The following C10orf90 variants were observed in gnomAD, a reference collection of about 807,000 sequenced individuals.
C10orf90 encodes the protein chromosome 10 open reading frame 90.
In C10orf90, 56 loss-of-function variants were observed where a neutral mutation model predicts 62.5. That is an observed-to-expected ratio of 0.90 (90% CI 0.72 to 1.12). The LOEUF is 1.12. Ranked by LOEUF, C10orf90 falls within the 50% of genes most tolerant of loss-of-function variation. The pLI is 0.00. For synonymous variants in C10orf90, 386 were observed against 340.4 expected (o/e 1.13, Z -1.47); for missense variants, 970 against 880.4 (o/e 1.10, Z -1.29).
At chr10:126,511,895 G>C (rs1049444013) in intron 3 of C10orf90, 1 of 151,930 alleles carries the variant, frequency 6.6e-6, no homozygotes, top group African/African-American at 2.4e-5. Context: ...ACTCCGTTCT[G>C]CATTTACTCC....
chr10:126,508,637 T>G (rs1361227438), intron 3 of C10orf90, among the ~76,000 whole-genome samples: 1 of 152,140 alleles, frequency 6.6e-6, no homozygotes. Context: ...ATGGATATGG[T>G]GGGAAAGATG....
chr10:126,466,711 C>T (rs1860309450), intron 4 of C10orf90, among the ~76,000 whole-genome samples: 1 of 152,164 alleles, frequency 6.6e-6, no homozygotes, highest in South Asian at 2.1e-4. Flanking sequence ...ACCCAGCTTT[C>T]CATGTTCTTA....
intron 7 of C10orf90, among the ~76,000 whole-genome samples, chr10:126,454,431 G>T (rs957800509): frequency 6.6e-6 from 1 of 151,436 alleles, no homozygotes. Context: ...ACCTGCAGAG[G>T]TTGTAACTTT....
Position 126,551,351 on chromosome 10 carries a change from G to A in C10orf90, c.314-37412C>T, listed in dbSNP as rs559382209. Among the ~76,000 whole-genome samples the A allele has an allele frequency of 2.6e-5, 4 of 152,344 alleles. No homozygotes were observed. The South Asian group carries it at 8.3e-4, about 32-fold the overall frequency. On this transcript the variant is annotated intron_variant, in intron 2 of 9. Coordinates refer to ENST00000488181, the MANE Select transcript of C10orf90 (RefSeq NM_001350921.2). The stretch of plus-strand genomic sequence containing the variant: ...CACTCTGCCTGGTGCAATAATAGAT[G>A]GAAATATGAGCTCCTCCCCCACTAG...
intron 1 of C10orf90, among the ~76,000 whole-genome samples, chr10:126,655,626 C>T (rs1490828121): frequency 6.6e-6 from 1 of 152,088 alleles, no homozygotes; most frequent in African/African-American, 2.4e-5. Context: ...TGGAAATGTC[C>T]TTCCCCAGGA....
chr10:126,509,269 C>T (rs1227688439), intron 3 of C10orf90, among the ~76,000 whole-genome samples: 15 of 152,276 alleles, frequency 9.9e-5, no homozygotes, highest in South Asian at 2.1e-4. Context: ...CAGATACTGA[C>T]GAATGCCCAG....
intron 4 of C10orf90, among the ~76,000 whole-genome samples, chr10:126,471,512 C>A (rs1334653175): frequency 6.6e-6 from 1 of 152,092 alleles, no homozygotes; most frequent in Non-Finnish European, 1.5e-5. Context: ...GGAGCTTGGG[C>A]AGATGGTCAG....
At chr10:126,509,602 A>G (rs1417891224) in intron 3 of C10orf90, among the ~76,000 whole-genome samples, 1 of 152,214 alleles carries the variant, frequency 6.6e-6, no homozygotes, top group African/African-American at 2.4e-5. Context: ...AAACTCTTTA[A>G]CTGTGCATTC....
At chr10:126,574,190 CAT>C (rs1844565663) in intron 2 of C10orf90, among the ~76,000 whole-genome samples, 1 of 152,094 alleles carries the variant, frequency 6.6e-6, no homozygotes. Flanking sequence ...GAATGTTGTG[CAT>C]AGTCACAAAA....
chr10:126,554,518 G>C (rs1017938915), intron 2 of C10orf90, among the ~76,000 whole-genome samples: 56 of 152,312 alleles, frequency 3.7e-4, no homozygotes, highest in African/African-American at 1.2e-3. Flanking sequence ...CATTTGTGTA[G>C]TTTGCTGCAC....
At chr10:126,599,182 C>CTTTTTT (rs755259124) in intron 2 of C10orf90, among the ~76,000 whole-genome samples, 1 of 128,248 alleles carries the variant, frequency 7.8e-6, no homozygotes, top group African/African-American at 3.1e-5. Context: ...GGTTCCACTC[C>CTTTTTT]TTTTTTTTTT....
intron 2 of C10orf90, among the ~76,000 whole-genome samples, chr10:126,614,023 T>C (rs1845492138): frequency 6.6e-6 from 1 of 152,184 alleles, no homozygotes; most frequent in South Asian, 2.1e-4. Flanking sequence ...ACATTCCTCA[T>C]GGATAATATG....
chr10:126,485,153 A>T lies in C10orf90; in HGVS notation c.1534+18804T>A, dbSNP rs192796747. ...TCATAAATTGGATTAGTGACTTTAT[A>T]AGCAGCAGCCAGTGAGCTAGCTAGC... On this transcript the variant is annotated intron_variant, in intron 4 of 9. Transcript: ENST00000488181. 3.2e-3 allele frequency among the ~76,000 whole-genome samples: 481 copies of T among 152,290 alleles called. 3 individuals are homozygous for T. Among genetic ancestry groups the T allele is most frequent in the African/African-American group, 0.011 (462 of 41,558 alleles).
intron 3 of C10orf90, among the ~76,000 whole-genome samples, chr10:126,510,932 A>G (rs1863069627): frequency 1.3e-5 from 2 of 152,234 alleles, no homozygotes; most frequent in South Asian, 4.1e-4. Flanking sequence ...TTCTCCAAAG[A>G]ATAAGGCTCT....
In C10orf90 at chr10:126,631,611, G is replaced by A. The variant is rs142157286; in HGVS notation, c.313+14954C>T. ...GCTCAGCATTGCATGCTCAGTGCCC[G>A]GCACAGTTCCTGGTGCATAGGAAGT... is the stretch of plus-strand genomic sequence containing the variant. On this transcript the variant is annotated intron_variant, in intron 2 of 9. Transcript: ENST00000488181. Among the ~76,000 whole-genome samples the A allele has an allele frequency of 1.8e-4, 27 of 151,904 alleles. No individual in the cohort carries two copies. In the East Asian group the frequency reaches 4.9e-3, roughly 27 times the overall value.
At chr10:126,444,455 T>C (rs564370482) in intron 7 of C10orf90, among the ~76,000 whole-genome samples, 21 of 151,896 alleles carry the variant, frequency 1.4e-4, no homozygotes, top group Admixed American at 3.9e-4. Flanking sequence ...CTTAGTAATA[T>C]ACCTAACAAA....
chr10:126,482,234 C>A (rs1861207758), intron 4 of C10orf90, among the ~76,000 whole-genome samples: 1 of 152,158 alleles, frequency 6.6e-6, no homozygotes, highest in African/African-American at 2.4e-5. Flanking sequence ...GGGTATCAGT[C>A]CTGACTCTTA....
chr10:126,532,842 C>CAAAAAAAAAAAAA lies in C10orf90; in HGVS notation c.314-18916_314-18904dup, dbSNP rs1269013268. Among the ~76,000 whole-genome samples the CAAAAAAAAAAAAA allele has an allele frequency of 9.6e-3, 116 of 12,072 alleles. 29 individuals are homozygous for CAAAAAAAAAAAAA. Among genetic ancestry groups the CAAAAAAAAAAAAA allele is most frequent in the Admixed American group, 0.034 (28 of 824 alleles). The allele number at this position is 12,072 out of a possible 152,430, so 7.9% of individuals were successfully genotyped here. ...TGGGCAACAGAGCGAGACTACGTCT[C>CAAAAAAAAAAAAA]AAAAAAAAAAAAAAATAGTGAGCAC... On this transcript the variant is annotated intron_variant, in intron 2 of 9. Coordinates refer to ENST00000488181, the MANE Select transcript of C10orf90 (RefSeq NM_001350921.2).
At chr10:126,585,283 C>G (rs905361768) in intron 2 of C10orf90, among the ~76,000 whole-genome samples, 2 of 140,268 alleles carry the variant, frequency 1.4e-5, no homozygotes, top group Non-Finnish European at 3.1e-5. Context: ...GAAAAAGAAA[C>G]AAAGAAAGCA....
Sources: gnomAD v4.1 joint callset for allele counts (sites outside exome capture counted in the v4.1 genomes callset) on GRCh38, gnomAD v4.1.1 for gene constraint, MANE v1.5 for transcripts, NCBI Gene and HGNC (gene_info 2026-07-23, HGNC 2026-07-21) for gene names.